The following GNA14 variants were observed in gnomAD, a reference collection of about 807,000 sequenced individuals.
The protein encoded by GNA14 is G protein subunit alpha 14.
A neutral mutation model predicts 42.0 loss-of-function variants in GNA14; 50 were observed. The ratio of observed to expected loss-of-function variants is 1.19; its 90% CI spans 0.95 to 1.51. The LOEUF is 1.51. GNA14 is among the 40% of genes most tolerant of loss of function. The pLI is 0.00. For synonymous variants in GNA14, 173 were observed against 163.1 expected (o/e 1.06, Z -0.46); for missense variants, 473 against 446.2 (o/e 1.06, Z -0.54).
chr9:77,625,574 C>A (rs1036055332), intron 1 of GNA14, among the ~76,000 whole-genome samples: 1 of 152,190 alleles, frequency 6.6e-6, no homozygotes, highest in Non-Finnish European at 1.5e-5. Flanking sequence ...GAGTGGGGAC[C>A]AATATTCAAC....
chr9:77,589,196 A>T (rs189478006), intron 1 of GNA14, among the ~76,000 whole-genome samples: 65 of 152,314 alleles, frequency 4.3e-4, no homozygotes, highest in Non-Finnish European at 4.9e-4. Flanking sequence ...TTGCAAGCCA[A>T]ACTGGCCTGA....
chr9:77,583,403 T>G (rs1053287179), intron 1 of GNA14, among the ~76,000 whole-genome samples: 1 of 152,222 alleles, frequency 6.6e-6, no homozygotes, highest in South Asian at 2.1e-4. Flanking sequence ...TCAAGGAATC[T>G]GGACTCCTCT....
chr9:77,620,172 G>A (rs1195394671), intron 1 of GNA14, among the ~76,000 whole-genome samples: 1 of 152,126 alleles, frequency 6.6e-6, no homozygotes, highest in African/African-American at 2.4e-5. Context: ...TATTGTTGAA[G>A]AGTTAACACG....
At chr9:77,603,965 A>AC (rs1823610959) in intron 1 of GNA14, among the ~76,000 whole-genome samples, 13 of 148,940 alleles carry the variant, frequency 8.7e-5, no homozygotes, top group African/African-American at 3.2e-4. Context: ...ACAAAAAAAA[A>AC]AAAAAAAAAA....
At chr9:77,437,600 C>G (rs968972799) in intron 2 of GNA14, among the ~76,000 whole-genome samples, 5 of 141,810 alleles carry the variant, frequency 3.5e-5, no homozygotes, top group African/African-American at 1.3e-4. Flanking sequence ...GGAAGGGAAG[C>G]AAAGCAAAGG....
At chr9:77,636,091 G>A (rs952902922) in intron 1 of GNA14, among the ~76,000 whole-genome samples, 3 of 152,170 alleles carry the variant, frequency 2.0e-5, no homozygotes, top group African/African-American at 7.2e-5. Flanking sequence ...TGGATTAGAA[G>A]ATAATTCTAC....
intron 1 of GNA14, among the ~76,000 whole-genome samples, chr9:77,573,079 C>A (rs1198538055): frequency 6.6e-6 from 1 of 152,108 alleles, no homozygotes; most frequent in Admixed American, 6.6e-5. Context: ...TCCTTGAATG[C>A]TTTCAGAGAA....
At chr9:77,529,367 T>A (rs1837494092) in intron 1 of GNA14, 114 bp from the exon 2 acceptor site, 1 of 845,052 alleles carries the variant, frequency 1.2e-6, no homozygotes, top group East Asian at 2.4e-5. Context: ...GGCTGATGGG[T>A]TGGATTTGGA....
chr9:77,468,398 G>A (rs761543620), intron 2 of GNA14, among the ~76,000 whole-genome samples: 1 of 152,156 alleles, frequency 6.6e-6, no homozygotes, highest in Non-Finnish European at 1.5e-5. Flanking sequence ...CATTCTGAAG[G>A]TCTGAAATCT....
At chr9:77,545,015 G>A (rs1837704115) in intron 1 of GNA14, among the ~76,000 whole-genome samples, 1 of 151,880 alleles carries the variant, frequency 6.6e-6, no homozygotes, top group East Asian at 1.9e-4. Context: ...CCAAAAGTTT[G>A]GTTTTGCTTA....
At chr9:77,581,809 TC>T (rs1823228449) in intron 1 of GNA14, among the ~76,000 whole-genome samples, 1 of 152,148 alleles carries the variant, frequency 6.6e-6, no homozygotes, top group Admixed American at 6.5e-5. Context: ...TCTCTCATCA[TC>T]CAACTTCATC....
At chr9:77,558,915 TAAAAAAC>T (rs1822832944) in intron 1 of GNA14, among the ~76,000 whole-genome samples, 1 of 121,938 alleles carries the variant, frequency 8.2e-6, no homozygotes, top group Non-Finnish European at 1.7e-5. Flanking sequence ...AAAAAGGTGT[TAAAAAAC>T]AAAAAACAAA....
intron 1 of GNA14, among the ~76,000 whole-genome samples, chr9:77,535,215 G>C (rs1458229413): frequency 2.0e-5 from 3 of 152,190 alleles, no homozygotes; most frequent in African/African-American, 7.2e-5. Context: ...CTGCACCTGT[G>C]TGTACTGCAA....
chr9:77,429,090 G>GA, intron 4 of GNA14, 54 bp from the exon 5 acceptor site: 2 of 1,567,000 alleles, frequency 1.3e-6, no homozygotes, highest in South Asian at 2.3e-5. Flanking sequence ...ACACTTCGGG[G>GA]AAAAAGGACA....
rs375594224 is a variant in GNA14 at position 77,529,168 on chromosome 9, C to A, written c.210G>T (p.Gly70=). Residue 70 remains glycine, a synonymous_variant, in exon 2 of 7, where the codon GGG becomes GGT. Coordinates refer to ENST00000341700, the MANE Select transcript of GNA14 (RefSeq NM_004297.4). ...GSGYSDEDRK[G]FTKLVYQNIF... ...TGTTTTGGTAAACCAGCTTCGTGAACCCCTTTCTGTCTTCGTCGCTGTAAC... is the reference window on the plus strand; with the variant it reads ...TGTTTTGGTAAACCAGCTTCGTGAAACCCTTTCTGTCTTCGTCGCTGTAAC... The A allele has an allele frequency of 3.7e-6, 6 of 1,613,802 alleles. No individual in the cohort carries two copies. The highest frequency in any genetic ancestry group is 5.1e-6 in the Non-Finnish European group (6 of 1,179,824).
chr9:77,592,708 T>C (rs1823408882), intron 1 of GNA14, among the ~76,000 whole-genome samples: 1 of 152,208 alleles, frequency 6.6e-6, no homozygotes, highest in South Asian at 2.1e-4. Context: ...AAATTCTTTC[T>C]TGATTTTTCT....
At chr9:77,470,263 G>A (rs1327057115) in intron 2 of GNA14, among the ~76,000 whole-genome samples, 1 of 152,164 alleles carries the variant, frequency 6.6e-6, no homozygotes, top group Non-Finnish European at 1.5e-5. Flanking sequence ...CAGGACATGG[G>A]CTGACACCAG....
intron 1 of GNA14, among the ~76,000 whole-genome samples, chr9:77,642,225 T>A (rs989187506): frequency 2.6e-5 from 4 of 152,158 alleles, no homozygotes; most frequent in Non-Finnish European, 5.9e-5. Context: ...TTCAAAAGGT[T>A]CTGTATTCAT....
At chr9:77,470,286 A>C (rs1224050242) in intron 2 of GNA14, among the ~76,000 whole-genome samples, 1 of 152,180 alleles carries the variant, frequency 6.6e-6, no homozygotes, top group African/African-American at 2.4e-5. Flanking sequence ...CATACCAGGA[A>C]AAGCAGCACC....
Sources: gnomAD v4.1 joint callset for allele counts (sites outside exome capture counted in the v4.1 genomes callset) on GRCh38, gnomAD v4.1.1 for gene constraint, MANE v1.5 for transcripts, NCBI Gene and HGNC (gene_info 2026-07-23, HGNC 2026-07-21) for gene names.